The following NEDD9 variants were observed in gnomAD, a reference collection of about 807,000 sequenced individuals.
NEDD9 encodes the protein enhancer of filamentation 1.
NEDD9 carries 26 observed loss-of-function variants against 76.6 expected under a neutral mutation model. That is an observed-to-expected ratio of 0.34 (90% confidence interval 0.25 to 0.47). The LOEUF (loss-of-function observed/expected upper bound fraction) is 0.47. Ranked by LOEUF, NEDD9 falls within the 20% of genes least tolerant of loss-of-function variation. NEDD9 has a pLI of 1.00. For missense variants in NEDD9, 937 were observed against 1,058.5 expected (o/e 0.89, Z 1.59); for synonymous variants, 392 against 414.2 (o/e 0.95, Z 0.65).
chr6:11,291,924 T>C (rs915173256), intron 3 of NEDD9, among the ~76,000 whole-genome samples: 37 of 152,316 alleles, frequency 2.4e-4, no homozygotes, highest in Non-Finnish European at 1.0e-4. Context: ...GATGTCTGCA[T>C]GGAGATGGTG....
exon 3 of NEDD9, chr6:11,306,144 A>G (rs1355909794): frequency 2.8e-5 from 27 of 969,338 alleles, no homozygotes; most frequent in Non-Finnish European, 3.3e-5. Context: ...CGGACCTCAC[A>G]GCTTACTGAA....
At chr6:11,250,074 T>C (rs995788634) in intron 3 of NEDD9, among the ~76,000 whole-genome samples, 1 of 152,170 alleles carries the variant, frequency 6.6e-6, no homozygotes, top group East Asian at 1.9e-4. Flanking sequence ...GATGTGCAAA[T>C]GGCTGGCTGT....
At chr6:11,201,145 G>A in intron 2 of NEDD9, 1 of 1,398,634 alleles carries the variant, frequency 7.1e-7, no homozygotes, top group Non-Finnish European at 1.0e-6. Flanking sequence ...CTTTCCTTGG[G>A]CATCCACTTC....
At chr6:11,379,770 T>C (rs1271361198) in intron 1 of NEDD9, among the ~76,000 whole-genome samples, 1 of 152,224 alleles carries the variant, frequency 6.6e-6, no homozygotes, top group Non-Finnish European at 1.5e-5. Flanking sequence ...CCAGTGCCTG[T>C]TGATGGCTCC....
At chr6:11,271,702 T>A (rs954849297) in intron 3 of NEDD9, 2 of 152,238 alleles carry the variant, frequency 1.3e-5, no homozygotes, top group African/African-American at 2.4e-5. Context: ...AGTCTTGACA[T>A]GGCGACATCA....
At chr6:11,186,896 G>A (rs1757994287) in intron 6 of NEDD9, among the ~76,000 whole-genome samples, 1 of 152,184 alleles carries the variant, frequency 6.6e-6, no homozygotes, top group Admixed American at 6.5e-5. Context: ...GATTACAGGT[G>A]TGAGCCACCG....
At chr6:11,262,036 C>G (rs900186981) in intron 3 of NEDD9, among the ~76,000 whole-genome samples, 2 of 152,136 alleles carry the variant, frequency 1.3e-5, no homozygotes, top group African/African-American at 4.8e-5. Flanking sequence ...TTTAAAGAAA[C>G]AGAAAAATTG....
chr6:11,187,118 T>A (rs1757998928), intron 6 of NEDD9, among the ~76,000 whole-genome samples: 1 of 133,178 alleles, frequency 7.5e-6, no homozygotes, highest in South Asian at 2.3e-4. Context: ...CATCAATATA[T>A]CATGTCATTA....
At chr6:11,297,378 T>G (rs1760924656) in intron 3 of NEDD9, among the ~76,000 whole-genome samples, 1 of 152,252 alleles carries the variant, frequency 6.6e-6, no homozygotes, top group African/African-American at 2.4e-5. Flanking sequence ...CAGGGCTTGC[T>G]TTTATTTGCT....
upstream of NEDD9, chr6:11,232,679 T>C: frequency 1.3e-6 from 2 of 1,493,684 alleles, no homozygotes; most frequent in Admixed American, 2.2e-5. Context: ...GAGCTCACTG[T>C]TGTGACTGAG....
At chr6:11,201,340 C>T (rs1758449559) in intron 2 of NEDD9, among the ~76,000 whole-genome samples, 1 of 152,238 alleles carries the variant, frequency 6.6e-6, no homozygotes, top group Admixed American at 6.5e-5. Flanking sequence ...CAGCAAGCCT[C>T]ATATCCATCA....
intron 3 of NEDD9, among the ~76,000 whole-genome samples, chr6:11,261,887 T>C (rs1237890862): frequency 6.6e-6 from 1 of 152,224 alleles, no homozygotes; most frequent in Non-Finnish European, 1.5e-5. Context: ...TCATTATTGC[T>C]ATGATGTGTT....
intron 1 of NEDD9, among the ~76,000 whole-genome samples, chr6:11,357,982 G>T (rs1458790524): frequency 2.6e-5 from 4 of 152,170 alleles, no homozygotes; most frequent in Non-Finnish European, 5.9e-5. Flanking sequence ...CCGCATGGTG[G>T]CTCACGCCTG....
chr6:11,365,711 C>T lies in NEDD9; in HGVS notation c.-214+16428G>A, dbSNP rs1762750502. On this transcript the variant is annotated intron_variant, in intron 1 of 3. Coordinates refer to the NEDD9 transcript ENST00000397378. ...AAGAAGAAAGAAAATAAAATGGGGC[C>T]GGGCGCAGTGGCTCACGCCTGTAAT... Among the ~76,000 whole-genome samples the T allele has an allele frequency of 2.6e-5, 4 of 152,144 alleles. No homozygotes were observed. The South Asian group carries it at 8.3e-4, about 31-fold the overall frequency.
intron 1 of NEDD9, among the ~76,000 whole-genome samples, chr6:11,221,358 G>C (rs536888018): frequency 9.9e-5 from 15 of 151,100 alleles, no homozygotes; most frequent in Non-Finnish European, 2.1e-4. Flanking sequence ...ACTCCAGCCT[G>C]GGTGACAGAG....
In NEDD9 at chr6:11,288,971, A is replaced by G. The variant is rs17498321; in HGVS notation, c.12+17021T>C. Among the ~76,000 whole-genome samples, 658 of 152,344 alleles carry G rather than the reference A, an allele frequency of 4.3e-3. 4 individuals are homozygous for G. Among genetic ancestry groups the G allele is most frequent in the Non-Finnish European group, 6.9e-3 (471 of 68,026 alleles). ...ATGTATTGAATGTATGCATTTTGCT[A>G]ATTTAACTCTGAAATCTTCCTTATG... On this transcript the variant is annotated intron_variant, in intron 3 of 3. Coordinates refer to the NEDD9 transcript ENST00000397378.
chr6:11,366,265 GAGAA>G (rs779446639), intron 1 of NEDD9, among the ~76,000 whole-genome samples: 3 of 87,066 alleles, frequency 3.4e-5, no homozygotes, highest in Non-Finnish European at 6.5e-5. Flanking sequence ...GTGAGAGTCT[GAGAA>G]AGAAGGAAGG....
At chr6:11,199,240 T>A (rs1758366244) in intron 2 of NEDD9, 2 of 152,200 alleles carry the variant, frequency 1.3e-5, no homozygotes, top group Admixed American at 1.3e-4. Flanking sequence ...ATGGCCCCAC[T>A]GGGTCTTTTT....
rs150196384 is a variant in NEDD9, at chr6:11,297,497, C to T, written c.12+8495G>A. ...TCACTCATGGTGTCTTCATTGTCAC[C>T]TCTGGAACCAGAAAAATCACAGCTT... On this transcript the variant is annotated intron_variant, in intron 3 of 3. Transcript: ENST00000397378. 8.5e-3 allele frequency among the ~76,000 whole-genome samples: 1,302 copies of T among 152,308 alleles called. 12 individuals are homozygous for T. Among genetic ancestry groups the T allele is most frequent in the Middle Eastern group, 0.014 (4 of 294 alleles).
Sources: allele counts gnomAD v4.1 joint callset (sites outside exome capture counted in the v4.1 genomes callset), GRCh38; gene constraint gnomAD v4.1.1; transcripts MANE v1.5; gene names NCBI Gene and HGNC (gene_info 2026-07-23, HGNC 2026-07-21).